Variants in BLTP3B observed in about 807,000 individuals in gnomAD.
The protein encoded by BLTP3B is UHRF1 (ICBP90) binding protein 1-like.
the BLTP3B span, among the ~76,000 whole-genome samples, chr12:100,131,307 T>A: frequency 6.7e-6 from 1 of 148,386 alleles, no homozygotes; most frequent in Non-Finnish European, 1.5e-5. Flanking sequence ...CAAGACCCTG[T>A]CTCAAAAAAA....
the BLTP3B span, among the ~76,000 whole-genome samples, chr12:100,069,023 G>A: frequency 6.6e-6 from 1 of 152,180 alleles, no homozygotes; most frequent in African/African-American, 2.4e-5. Context: ...AGATCACAAG[G>A]TCAGGAGTTC....
chr12:100,056,472 A>G, the BLTP3B span, among the ~76,000 whole-genome samples: 2 of 151,998 alleles, frequency 1.3e-5, no homozygotes, highest in Non-Finnish European at 2.9e-5. Flanking sequence ...TATACTTGTT[A>G]TATTTATTAT....
At chr12:100,131,600 C>A in the BLTP3B span, among the ~76,000 whole-genome samples, 85 of 152,176 alleles carry the variant, frequency 5.6e-4, no homozygotes, top group East Asian at 0.012. Context: ...AGTCAATAAA[C>A]TGTCAATCAA....
At chr12:100,050,889 A>G in the BLTP3B span, among the ~76,000 whole-genome samples, 1 of 152,192 alleles carries the variant, frequency 6.6e-6, no homozygotes, top group African/African-American at 2.4e-5. Flanking sequence ...GAATAAAACA[A>G]ATTTAGAAAA....
the BLTP3B span, among the ~76,000 whole-genome samples, chr12:100,078,393 A>G: frequency 1.3e-5 from 2 of 152,194 alleles, no homozygotes; most frequent in Admixed American, 6.5e-5. Context: ...CCAAAAGCCA[A>G]TTAAACTTCT....
chr12:100,087,748 G>C, the BLTP3B span, among the ~76,000 whole-genome samples: 11,143 of 152,186 alleles, frequency 0.073, 441 homozygotes, highest in South Asian at 0.09. Flanking sequence ...TGGTGAAAAG[G>C]TTTTCTTCCT....
the BLTP3B span, chr12:100,086,383 G>GGAA: frequency 6.0e-6 from 3 of 502,756 alleles, no homozygotes; most frequent in Non-Finnish European, 1.1e-5. Context: ...GGGGGGGGGG[G>GGAA]AAATATTAAG....
chr12:100,047,484 A>G, the BLTP3B span: 2 of 1,438,564 alleles, frequency 1.4e-6, no homozygotes, highest in Non-Finnish European at 1.9e-6. Context: ...GGGCAACAAG[A>G]GCAAAATTCC....
chr12:100,137,769 T>A, the BLTP3B span, among the ~76,000 whole-genome samples: 1 of 152,220 alleles, frequency 6.6e-6, no homozygotes, highest in Non-Finnish European at 1.5e-5. Flanking sequence ...ACCCCCAGGA[T>A]AAAGTTCAAT....
At chr12:100,100,467 T>C in the BLTP3B span, among the ~76,000 whole-genome samples, 12 of 151,998 alleles carry the variant, frequency 7.9e-5, no homozygotes, top group African/African-American at 1.7e-4. Flanking sequence ...TCCAAGCACT[T>C]TGAGAGGCAA....
At chr12:100,044,083 GTTTT>G in the BLTP3B span, among the ~76,000 whole-genome samples, 1 of 151,852 alleles carries the variant, frequency 6.6e-6, no homozygotes, top group Non-Finnish European at 1.5e-5. Context: ...CTGTTTGTTT[GTTTT>G]GTTTTGTTTT....
At chr12:100,119,322 T>C in the BLTP3B span, among the ~76,000 whole-genome samples, 1 of 152,054 alleles carries the variant, frequency 6.6e-6, no homozygotes, top group Non-Finnish European at 1.5e-5. Context: ...AAATAAAACA[T>C]ATTAGTGGAT....
the BLTP3B span, among the ~76,000 whole-genome samples, chr12:100,102,561 A>G: frequency 6.6e-6 from 1 of 152,180 alleles, no homozygotes; most frequent in Non-Finnish European, 1.5e-5. Flanking sequence ...GTTAATCACT[A>G]TTATTTAATA....
the BLTP3B span, among the ~76,000 whole-genome samples, chr12:100,063,268 C>G: frequency 6.6e-6 from 1 of 152,168 alleles, no homozygotes; most frequent in Non-Finnish European, 1.5e-5. Context: ...CACAGCTGAG[C>G]CACAGATGGT....
the BLTP3B span, among the ~76,000 whole-genome samples, chr12:100,124,502 T>TG: frequency 6.6e-6 from 1 of 151,406 alleles, no homozygotes; most frequent in African/African-American, 2.4e-5. Context: ...CCCAGCACTC[T>TG]GGGAGGCTGA....
the BLTP3B span, among the ~76,000 whole-genome samples, chr12:100,083,702 A>G: frequency 3.1e-3 from 473 of 152,134 alleles, 2 homozygotes; most frequent in African/African-American, 0.011. Flanking sequence ...AAAAAAAAAA[A>G]AGTAGTAGTA....
At chr12:100,135,273 C>T in the BLTP3B span, among the ~76,000 whole-genome samples, 7 of 124,104 alleles carry the variant, frequency 5.6e-5, no homozygotes, top group East Asian at 2.0e-4. Flanking sequence ...TCTTTTTTTT[C>T]TTTCTTTCTT....
At chr12:100,082,093 A>G in the BLTP3B span, among the ~76,000 whole-genome samples, 3 of 152,046 alleles carry the variant, frequency 2.0e-5, no homozygotes, top group Admixed American at 6.5e-5. Flanking sequence ...TGTTTTAATA[A>G]CAGCCATTCT....
chr12:100,051,397 CT>C, the BLTP3B span: 1,239 of 498,006 alleles, frequency 2.5e-3, 8 homozygotes, highest in South Asian at 0.021. Context: ...AATGAATGTG[CT>C]ATAATTCAAT....
Sources: allele counts gnomAD v4.1 joint callset (sites outside exome capture counted in the v4.1 genomes callset), GRCh38; gene constraint gnomAD v4.1.1; transcripts MANE v1.5; gene names NCBI Gene and HGNC (gene_info 2026-07-23, HGNC 2026-07-21).